Variants in MTAP observed in about 807,000 individuals in gnomAD.
MTAP encodes the protein S-methyl-5'-thioadenosine phosphorylase.
MTAP carries 33 observed loss-of-function variants against 33.6 expected under a neutral mutation model. That is an observed-to-expected ratio of 0.98 (90% confidence interval 0.74 to 1.31). MTAP has a LOEUF of 1.31. Ranked by LOEUF, MTAP falls within the 40% of genes most tolerant of loss-of-function variation. MTAP has a pLI of 0.00. For synonymous variants in MTAP, 148 were observed against 125.7 expected (o/e 1.18, Z -1.19); for missense variants, 367 against 360.0 (o/e 1.02, Z -0.16).
At position 21,865,557 on chromosome 9, in the gene MTAP, A is replaced by G; in HGVS notation, c.*3543A>G. The G allele has an allele frequency of 1.0e-6, 1 of 985,736 alleles. No individual in the cohort carries two copies. The highest frequency in any genetic ancestry group is 1.2e-6 in the Non-Finnish European group (1 of 829,956). The allele number at this position is 985,736 out of a possible 1,614,324, so 61.1% of individuals were successfully genotyped here. A position where few individuals can be genotyped will look rare whatever the true frequency, so the allele number is the denominator to read the frequency against. On this transcript the variant is annotated 3_prime_UTR_variant, in exon 8 of 8. Coordinates refer to ENST00000644715, the MANE Select transcript of MTAP (RefSeq NM_002451.4). ...AGAACTGAAGTTCCAGGATGGAAGA[A>G]CCTGTGTTCTCCTCATAATAGTATA...
At chr9:21,802,812 C>T (rs375113789) in intron 1 of MTAP, 31 bp downstream of exon 1, 19 of 1,611,832 alleles carry the variant, frequency 1.2e-5, no homozygotes, top group Non-Finnish European at 1.6e-5. Context: ...CGCAGCGGTT[C>T]GCCCTGCCGG....
chr9:21,907,569 A>G (rs1818495645), intron 1 of MTAP, among the ~76,000 whole-genome samples: 1 of 152,074 alleles, frequency 6.6e-6, no homozygotes, highest in Non-Finnish European at 1.5e-5. Flanking sequence ...AAACAACAAC[A>G]AAAAAAATTA....
chr9:21,833,208 G>A (rs1825016581), intron 4 of MTAP, among the ~76,000 whole-genome samples: 1 of 151,774 alleles, frequency 6.6e-6, no homozygotes, highest in African/African-American at 2.4e-5. Flanking sequence ...TTTTTTTTGA[G>A]ACAAGATCTC....
chr9:21,882,654 A>T (rs1485748550), intron 1 of MTAP, among the ~76,000 whole-genome samples: 1 of 152,046 alleles, frequency 6.6e-6, no homozygotes, highest in Admixed American at 6.6e-5. Flanking sequence ...AACGTTTTAT[A>T]TGCAATAATC....
intron 1 of MTAP, among the ~76,000 whole-genome samples, chr9:21,894,211 T>TA (rs60193324): frequency 0.11 from 14,483 of 129,464 alleles, 964 homozygotes; most frequent in East Asian, 0.24. Flanking sequence ...CCTTTCATGT[T>TA]AAAAAAAAAA....
downstream of MTAP, among the ~76,000 whole-genome samples, chr9:21,938,848 A>G (rs761308660): frequency 3.2e-4 from 49 of 152,234 alleles, no homozygotes; most frequent in Non-Finnish European, 5.4e-4. Flanking sequence ...CTTTAAGATC[A>G]TAACATTGGA....
At chr9:21,803,749 A>G (rs901926849) in intron 1 of MTAP, among the ~76,000 whole-genome samples, 1 of 151,944 alleles carries the variant, frequency 6.6e-6, no homozygotes, top group Non-Finnish European at 1.5e-5. Context: ...ATTTTTAGAA[A>G]TTTTTGGCCT....
rs1825781376 is a variant in MTAP at position 21,862,829 on chromosome 9, G to T, written c.*815G>T. ...ATATAACCTTGTTATTGTATTTGGG[G>T]GAGGGATACTGGGATAATTTTTATT... On this transcript the variant is annotated 3_prime_UTR_variant, in exon 8 of 8. Coordinates refer to ENST00000644715, the MANE Select transcript of MTAP (RefSeq NM_002451.4). 4.4e-6 allele frequency: 2 copies of T among 459,408 alleles called. No homozygotes were observed. Among genetic ancestry groups the T allele is most frequent in the African/African-American group, 2.2e-5 (1 of 44,682 alleles). 28.5% of individuals were successfully genotyped at this position (459,408 alleles called of 1,614,324 possible). A position where few individuals can be genotyped will look rare whatever the true frequency, so the allele number is the denominator to read the frequency against.
intron 4 of MTAP, among the ~76,000 whole-genome samples, chr9:21,821,658 T>G (rs1824643345): frequency 6.6e-6 from 1 of 152,172 alleles, no homozygotes; most frequent in African/African-American, 2.4e-5. Flanking sequence ...TTAGGGAGGA[T>G]TCCCTCTTTT....
At chr9:21,934,221 T>A (rs991299864), downstream of MTAP, 3 of 152,200 alleles carry the variant, frequency 2.0e-5, no homozygotes, top group East Asian at 5.8e-4. This position sits in a 1 kb window ranked among gnomAD's most constrained non-coding sequence, Gnocchi z 5.0. Flanking sequence ...AGTGTCTAAG[T>A]GGTTGAAGTA....
intron 1 of MTAP, among the ~76,000 whole-genome samples, chr9:21,882,165 T>C (rs748746078): frequency 6.6e-6 from 1 of 151,886 alleles, no homozygotes. Context: ...AAGAATGAAG[T>C]TGGACTCATC....
At position 21,830,369 on chromosome 9, in the gene MTAP, AGTAGGTTTCTTCAGTGCCTATGCCTCCT is replaced by A; in HGVS notation, c.348-7537_348-7510del. 3.9e-5 allele frequency among the ~76,000 whole-genome samples: 6 copies of A among 152,304 alleles called. 1 individual carries two copies. Among genetic ancestry groups the A allele is most frequent in the Admixed American group, 3.9e-4 (6 of 15,300 alleles). On this transcript the variant is annotated intron_variant, in intron 4 of 7. Coordinates refer to ENST00000644715, the MANE Select transcript of MTAP (RefSeq NM_002451.4). ...AACTTTGTCTAGGAGGCTTGTCTGCAGTAGGTTTCTTCAGTGCCTATGCCTCCTGCTGGATTGTGTTTGATTAATCCAT... is the reference window on the plus strand; with the variant it reads ...AACTTTGTCTAGGAGGCTTGTCTGCAGCTGGATTGTGTTTGATTAATCCAT...
chr9:21,850,244 G>A (rs768753728), intron 5 of MTAP, among the ~76,000 whole-genome samples: 1 of 152,180 alleles, frequency 6.6e-6, no homozygotes, highest in Non-Finnish European at 1.5e-5. Context: ...TTTCTAGGGG[G>A]TCCAGTGGTG....
intron 1 of MTAP, among the ~76,000 whole-genome samples, chr9:21,915,742 C>T (rs1025773609): frequency 5.3e-5 from 8 of 151,958 alleles, no homozygotes; most frequent in South Asian, 2.1e-4. Context: ...TTTTAAAAAG[C>T]GGAGCAGCCC....
At chr9:21,898,200 T>C (rs1818329392) in intron 1 of MTAP, among the ~76,000 whole-genome samples, 1 of 152,196 alleles carries the variant, frequency 6.6e-6, no homozygotes, top group Admixed American at 6.5e-5. Flanking sequence ...TGAACCTGGA[T>C]CCCTTCCTTA....
At chr9:21,830,344 A>T (rs1824936012) in intron 4 of MTAP, among the ~76,000 whole-genome samples, 1 of 152,218 alleles carries the variant, frequency 6.6e-6, no homozygotes, top group Non-Finnish European at 1.5e-5. Context: ...CTATACCAAG[A>T]ACTTTGTCTA....
chr9:21,929,927 G>A (rs1396253166), intron 1 of MTAP: 1 of 412,474 alleles, frequency 2.4e-6, no homozygotes. Context: ...CCAACAGACT[G>A]ATGGAACATA....
rs1825846573 is a variant in MTAP at position 21,865,924 on chromosome 9, TTTTTCCATTTGAGGAATTTTATGAA to T, written c.*3912_*3936del. On this transcript the variant is annotated 3_prime_UTR_variant, in exon 8 of 8. Transcript: ENST00000644715. ...TTCACCTGTTGATGAATGTTTGAAT[TTTTTCCATTTGAGGAATTTTATGAA>T]TAAAGCTGCTATAAGCATGAAATTA... 2.0e-6 allele frequency: 1 copy of T among 490,144 alleles called. No individual in the cohort carries two copies. Among genetic ancestry groups the T allele is most frequent in the Non-Finnish European group, 2.7e-6 (1 of 376,932 alleles). The allele number at this position is 490,144 out of a possible 1,614,324, so 30.4% of individuals were successfully genotyped here. A position where few individuals can be genotyped will look rare whatever the true frequency, so the allele number is the denominator to read the frequency against.
intron 1 of MTAP, among the ~76,000 whole-genome samples, chr9:21,880,493 A>G (rs1817988640): frequency 6.6e-6 from 1 of 152,100 alleles, no homozygotes; most frequent in Non-Finnish European, 1.5e-5. Flanking sequence ...CTTATACAGT[A>G]TTTACAAAAT....
Sources: gnomAD v4.1 joint callset for allele counts (sites outside exome capture counted in the v4.1 genomes callset) on GRCh38, gnomAD v4.1.1 for gene constraint, Gnocchi (gnomAD v3.1) non-coding constraint, MANE v1.5 for transcripts, NCBI Gene and HGNC (gene_info 2026-07-23, HGNC 2026-07-21) for gene names.